Variants in MALRD1 observed in about 807,000 individuals in gnomAD.
MALRD1 encodes MAM and LDL receptor class A domain containing 1, also known as MAM and LDL-receptor class A domain-containing protein 1.
MALRD1 carries 247 observed loss-of-function variants against 242.1 expected under a neutral mutation model. That is an observed-to-expected ratio of 1.02 (90% CI 0.92 to 1.13). The LOEUF is 1.13. Among genes scored for constraint, MALRD1 ranks in the 50% most tolerant of loss-of-function variants. The pLI is 0.00. For synonymous variants in MALRD1, 995 were observed against 866.6 expected (o/e 1.15, Z -2.60); for missense variants, 2,989 against 2,533.1 (o/e 1.18, Z -3.86).
In MALRD1 at chr10:19,358,914, G is replaced by GA. The variant is rs552353319; in HGVS notation, c.4441+6626dup. 1.1e-4 allele frequency among the ~76,000 whole-genome samples: 16 copies of GA among 150,908 alleles called. No homozygotes were observed. In the South Asian group the frequency reaches 1.5e-3, roughly 14 times the overall value. On this transcript the variant is annotated intron_variant, in intron 26 of 39. Coordinates refer to ENST00000454679, the MANE Select transcript of MALRD1 (RefSeq NM_001142308.3). ...CTCCTTTGCCTTCACTTTCTCTTCA[G>GA]AAAAAAAAATTGCTTTCAAAAAGTC...
rs542543609 is a variant in MALRD1 at position 19,165,760 on chromosome 10, G to A, written c.1780G>A (p.Ala594Thr). ...ATTCTCCGAATCTCAGTGGAGCCAC[G>A]CAAAAATTGATCTCATTGCAGAAGC... Reference protein sequence around the residue: ...IRFSESQWSHAKIDLIAEAGE... With the variant: ...IRFSESQWSHTKIDLIAEAGE... The change falls in exon 13 of 40, where the codon GCA (alanine) becomes ACA (threonine). Residue 594 changes from alanine to threonine, a missense_variant. Ala to Thr is a moderately conservative substitution (Grantham distance 58). Transcript: ENST00000454679. 87 of 1,231,520 alleles carry A rather than the reference G, an allele frequency of 7.1e-5. No individual in the cohort carries two copies. The highest frequency in any genetic ancestry group is 1.7e-4 in the African/African-American group (11 of 64,388). 76.3% of individuals were successfully genotyped at this position (1,231,520 alleles called of 1,614,324 possible). A position where few individuals can be genotyped will look rare whatever the true frequency, so the allele number is the denominator to read the frequency against.
At chr10:19,436,678 C>T (rs981947475) in intron 28 of MALRD1, among the ~76,000 whole-genome samples, 2 of 152,016 alleles carry the variant, frequency 1.3e-5, no homozygotes, top group East Asian at 1.9e-4. Flanking sequence ...TCCACTCATC[C>T]GTCTATGAGG....
intron 31 of MALRD1, among the ~76,000 whole-genome samples, chr10:19,522,820 G>T (rs1267008069): frequency 6.6e-6 from 1 of 152,092 alleles, no homozygotes; most frequent in African/African-American, 2.4e-5. Flanking sequence ...GTTTGACTCA[G>T]AGCTGGTCTT....
chr10:19,535,527 A>G (rs953574887), intron 32 of MALRD1, among the ~76,000 whole-genome samples: 3 of 150,152 alleles, frequency 2.0e-5, no homozygotes, highest in African/African-American at 7.3e-5. Flanking sequence ...ACATGTGTAT[A>G]TGTATATACA....
intron 26 of MALRD1, among the ~76,000 whole-genome samples, chr10:19,374,125 C>A (rs7918963): frequency 6.6e-6 from 1 of 151,986 alleles, no homozygotes; most frequent in Non-Finnish European, 1.5e-5. Context: ...ACTTTTTTAA[C>A]GTTTTCAATG....
intron 5 of MALRD1, among the ~76,000 whole-genome samples, chr10:19,115,681 A>G (rs138930192): frequency 0.011 from 1,696 of 152,056 alleles, 34 homozygotes; most frequent in African/African-American, 0.039. Context: ...TTCGAGACCA[A>G]CCTGGGCAAC....
At chr10:19,231,679 A>G (rs1321131003) in intron 18 of MALRD1, among the ~76,000 whole-genome samples, 1 of 152,052 alleles carries the variant, frequency 6.6e-6, no homozygotes, top group African/African-American at 2.4e-5. Flanking sequence ...TTCTGCCGTG[A>G]CTGTGAGGCC....
chr10:19,218,993 T>C (rs564955949), intron 18 of MALRD1, among the ~76,000 whole-genome samples: 10 of 152,274 alleles, frequency 6.6e-5, no homozygotes, highest in African/African-American at 2.4e-4. Flanking sequence ...TTTTGACTGA[T>C]GCAAATGTTA....
At chr10:19,338,235 G>A (rs1843695059) in intron 24 of MALRD1, among the ~76,000 whole-genome samples, 1 of 151,964 alleles carries the variant, frequency 6.6e-6, no homozygotes, top group Admixed American at 6.6e-5. Flanking sequence ...ATGTTCTGTG[G>A]GTTTAACAAA....
At chr10:19,082,645 C>T (rs1835530158) in intron 2 of MALRD1, among the ~76,000 whole-genome samples, 1 of 127,506 alleles carries the variant, frequency 7.8e-6, no homozygotes, top group South Asian at 2.6e-4. Context: ...TGTTTCTTTG[C>T]ATTTCTCACT....
intron 28 of MALRD1, among the ~76,000 whole-genome samples, chr10:19,436,417 T>A (rs74754409): frequency 0.016 from 2,451 of 152,328 alleles, 35 homozygotes; most frequent in Middle Eastern, 0.051. Flanking sequence ...TTAGCTTAAC[T>A]GTAATCTTTC....
intron 4 of MALRD1, among the ~76,000 whole-genome samples, chr10:19,103,562 A>AAAAAT (rs1175970216): frequency 1.1e-4 from 15 of 142,570 alleles, no homozygotes; most frequent in African/African-American, 4.1e-4. Context: ...AAAAAAAAAA[A>AAAAAT]AAATAAATAA....
intron 13 of MALRD1, among the ~76,000 whole-genome samples, chr10:19,173,962 G>A (rs1166490351): frequency 6.6e-6 from 1 of 152,140 alleles, no homozygotes; most frequent in East Asian, 1.9e-4. Flanking sequence ...CAAAAGAGAG[G>A]TTAAAAAGAA....
chr10:19,532,399 C>T (rs1016962518), intron 32 of MALRD1, among the ~76,000 whole-genome samples: 1 of 152,086 alleles, frequency 6.6e-6, no homozygotes, highest in Non-Finnish European at 1.5e-5. Flanking sequence ...GGATCACAGG[C>T]ATGCATCACC....
intron 18 of MALRD1, among the ~76,000 whole-genome samples, chr10:19,233,985 A>C (rs774483829): frequency 2.6e-4 from 39 of 151,990 alleles, no homozygotes; most frequent in Non-Finnish European, 5.1e-4. Flanking sequence ...TGAATTTGAT[A>C]ATTGGTGCTG....
rs1023955841 is a variant in MALRD1, at chr10:19,399,448, G to A, written c.4845+9839G>A. Reference sequence around the variant, plus strand: ...ATGCATACTCTTCATTTTCTGTGGAGTTTGCAATACATGCTCCAACCAAAG... The same window carrying A: ...ATGCATACTCTTCATTTTCTGTGGAATTTGCAATACATGCTCCAACCAAAG... On this transcript the variant is annotated intron_variant, in intron 28 of 39. Transcript: ENST00000454679. 1.4e-4 allele frequency among the ~76,000 whole-genome samples: 22 copies of A among 152,244 alleles called. No homozygotes were observed. The Middle Eastern group carries it at 0.014, about 94-fold the overall frequency.
At chr10:19,691,064 G>T (rs1366343098) in intron 36 of MALRD1, among the ~76,000 whole-genome samples, 1 of 152,052 alleles carries the variant, frequency 6.6e-6, no homozygotes, top group Non-Finnish European at 1.5e-5. Flanking sequence ...GATCATACCA[G>T]TGTGTGCACG....
intron 18 of MALRD1, among the ~76,000 whole-genome samples, chr10:19,210,269 A>G (rs1301714315): frequency 1.3e-5 from 2 of 152,158 alleles, no homozygotes; most frequent in Admixed American, 6.6e-5. Flanking sequence ...AATTTTATAT[A>G]TTATCTATCT....
At chr10:19,373,203 C>CAAAAAAAAAAA (rs374095193) in intron 26 of MALRD1, among the ~76,000 whole-genome samples, 58 of 114,810 alleles carry the variant, frequency 5.1e-4, no homozygotes, top group African/African-American at 9.6e-4. Context: ...ACGCTAAATA[C>CAAAAAAAAAAA]AAAAAAAAAA....
Sources: allele counts gnomAD v4.1 joint callset (sites outside exome capture counted in the v4.1 genomes callset), GRCh38; gene constraint gnomAD v4.1.1; transcripts MANE v1.5; gene names NCBI Gene and HGNC (gene_info 2026-07-23, HGNC 2026-07-21).